Variants in KCNG3 observed in about 807,000 individuals in gnomAD.
KCNG3 encodes the protein voltage-gated potassium channel regulatory subunit KCNG3.
In KCNG3, 15 loss-of-function variants were observed where a neutral mutation model predicts 29.0. The observed-to-expected ratio is 0.52, with a 90% confidence interval of 0.35 to 0.80. KCNG3 has a LOEUF of 0.80. Ranked by LOEUF, KCNG3 falls within the 30% of genes least tolerant of loss-of-function variation. KCNG3 has a pLI of 0.01. For missense variants in KCNG3, 512 were observed against 605.7 expected, an observed-to-expected ratio of 0.85 and a Z score of 1.62; for synonymous variants, 322 against 248.9, an observed-to-expected ratio of 1.29 and a Z score of -2.76.
At chr2:42,456,078 T>C (rs1254300429) in intron 1 of KCNG3, among the ~76,000 whole-genome samples, 1 of 151,800 alleles carries the variant, frequency 6.6e-6, no homozygotes, top group African/African-American at 2.4e-5. Flanking sequence ...TACTTACTAA[T>C]CATATTTACA....
chr2:42,493,763 C>CCGGCTGGGAACG lies in KCNG3; in HGVS notation c.-274_-263dup, dbSNP rs1304631459. On this transcript the variant is annotated 5_prime_UTR_variant, in exon 1 of 2. Coordinates refer to ENST00000306078, the MANE Select transcript of KCNG3 (RefSeq NM_133329.6). ...TCGCCGGCGCCAGCGCTGAGCCCCA[C>CCGGCTGGGAACG]CGGCTGGGAACGCGGCTGTGTCCGC... is the stretch of plus-strand genomic sequence containing the variant. The CCGGCTGGGAACG allele has an allele frequency of 6.5e-6, 2 of 309,782 alleles. No individual in the cohort carries two copies. Among genetic ancestry groups the CCGGCTGGGAACG allele is most frequent in the African/African-American group, 2.2e-5 (1 of 45,888 alleles). 19.2% of individuals were successfully genotyped at this position (309,782 alleles called of 1,614,324 possible).
chr2:42,417,512 G>C, the KCNG3 span, among the ~76,000 whole-genome samples: 1 of 151,934 alleles, frequency 6.6e-6, no homozygotes, highest in Non-Finnish European at 1.5e-5. Context: ...CTAGAGACAG[G>C]GGTTTCACTA....
intron 1 of KCNG3, among the ~76,000 whole-genome samples, chr2:42,473,877 CGCG>C (rs1272421871): frequency 1.3e-5 from 2 of 152,038 alleles, no homozygotes; most frequent in Admixed American, 6.6e-5. Flanking sequence ...TTAGGCCAGG[CGCG>C]GTGGCTCACG....
the KCNG3 span, among the ~76,000 whole-genome samples, chr2:42,434,666 C>CAAAAAAAAAAAAAAA: frequency 1.5e-5 from 1 of 64,694 alleles, no homozygotes; most frequent in Non-Finnish European, 2.7e-5. Flanking sequence ...AACTCCATCT[C>CAAAAAAAAAAAAAAA]AAAAAAAAAA....
At chr2:42,472,576 T>C (rs1015590291) in intron 1 of KCNG3, among the ~76,000 whole-genome samples, 25 of 151,546 alleles carry the variant, frequency 1.6e-4, no homozygotes, top group African/African-American at 2.9e-4. Flanking sequence ...CTCGGCTCAC[T>C]GCAACCTCTC....
At chr2:42,392,500 G>A in the KCNG3 span, among the ~76,000 whole-genome samples, 1 of 152,190 alleles carries the variant, frequency 6.6e-6, no homozygotes, top group East Asian at 1.9e-4. Context: ...AGCTGTTACT[G>A]AAACACCAGG....
the KCNG3 span, among the ~76,000 whole-genome samples, chr2:42,396,543 A>G: frequency 6.6e-6 from 1 of 152,326 alleles, no homozygotes; most frequent in South Asian, 2.1e-4. Flanking sequence ...AAAGTAGGCA[A>G]GAAGAGGTCA....
the KCNG3 span, among the ~76,000 whole-genome samples, chr2:42,400,714 C>A: frequency 4.2e-3 from 632 of 151,930 alleles, 4 homozygotes; most frequent in Non-Finnish European, 7.1e-3. Flanking sequence ...TAAGAATGAA[C>A]AGAAAAGTCT....
At chr2:42,421,043 A>G in the KCNG3 span, among the ~76,000 whole-genome samples, 8 of 152,210 alleles carry the variant, frequency 5.3e-5, no homozygotes, top group African/African-American at 1.7e-4. Context: ...CCACACAAAA[A>G]TGACTCAATG....
the KCNG3 span, among the ~76,000 whole-genome samples, chr2:42,417,928 C>T: frequency 7.3e-5 from 11 of 151,608 alleles, no homozygotes; most frequent in Admixed American, 1.3e-4. Context: ...GCTGAGATCG[C>T]GCCACTGCAC....
chr2:42,418,105 C>CGG, the KCNG3 span, among the ~76,000 whole-genome samples: 1 of 152,026 alleles, frequency 6.6e-6, no homozygotes, highest in African/African-American at 2.4e-5. Flanking sequence ...TGTTGTTTAA[C>CGG]CATCACCACT....
rs141470417 is a variant in KCNG3, at chr2:42,477,380, CATAT to C, written c.665+15453_665+15456del. Among the ~76,000 whole-genome samples, 533 of 113,112 alleles carry C rather than the reference CATAT, an allele frequency of 4.7e-3. 15 individuals are homozygous for C. Among genetic ancestry groups the C allele is most frequent in the Middle Eastern group, 0.021 (4 of 192 alleles). 74.2% of individuals were successfully genotyped at this position (113,112 alleles called of 152,430 possible). On this transcript the variant is annotated intron_variant, in intron 1 of 1. Transcript: ENST00000306078. ...GTGTATATACATATATATACACACA[CATAT>C]ATATACACACACACACACACACACA... is the stretch of plus-strand genomic sequence containing the variant.
At chr2:42,404,600 A>C in the KCNG3 span, among the ~76,000 whole-genome samples, 9 of 152,042 alleles carry the variant, frequency 5.9e-5, no homozygotes, top group Non-Finnish European at 1.5e-5. Context: ...GTCGTGGCAC[A>C]CACCTTAGTC....
Position 42,444,427 on chromosome 2 carries a change from A to C in KCNG3, c.818T>G (p.Val273Gly), listed in dbSNP as rs1672551300. 1 of 1,614,166 alleles carries C rather than the reference A, an allele frequency of 6.2e-7. No individual in the cohort carries two copies. The highest frequency in any genetic ancestry group is 8.5e-7 in the Non-Finnish European group (1 of 1,180,040). ...TPYYISVLMT[V>G]FTGENSQLQR... ...GAGTTGAGAGTTCTCGCCTGTAAACACTGTCATCAACACAGAGATGTAATA... is the reference window on the plus strand; with the variant it reads ...GAGTTGAGAGTTCTCGCCTGTAAACCCTGTCATCAACACAGAGATGTAATA... The change falls in exon 2 of 2, where the codon GTG (valine) becomes GGG (glycine). Residue 273 changes from valine to glycine, a missense_variant. Coordinates refer to ENST00000306078, the MANE Select transcript of KCNG3 (RefSeq NM_133329.6). The surrounding 1 kb of genome is among the most constrained non-coding windows in gnomAD (Gnocchi z 5.8).
the KCNG3 span, among the ~76,000 whole-genome samples, chr2:42,402,044 T>C: frequency 6.6e-6 from 1 of 152,216 alleles, no homozygotes; most frequent in East Asian, 1.9e-4. Flanking sequence ...GGTATTCGTA[T>C]CTGAATCAGC....
chr2:42,405,078 A>T, the KCNG3 span, among the ~76,000 whole-genome samples: 2 of 152,264 alleles, frequency 1.3e-5, no homozygotes, highest in African/African-American at 4.8e-5. Context: ...ATTCTCATCT[A>T]GAAACCTAAT....
chr2:42,490,775 A>G (rs1287940231), intron 1 of KCNG3, among the ~76,000 whole-genome samples: 1 of 152,248 alleles, frequency 6.6e-6, no homozygotes, highest in East Asian at 1.9e-4. Flanking sequence ...TATTTGGCAG[A>G]TGCAAAATAT....
intron 1 of KCNG3, among the ~76,000 whole-genome samples, chr2:42,446,822 A>G (rs1354800762): frequency 6.6e-6 from 1 of 152,102 alleles, no homozygotes; most frequent in African/African-American, 2.4e-5. Context: ...CTTAAATCAC[A>G]TGATTTTAAA....
In KCNG3 at chr2:42,444,156, G is replaced by C. The variant is rs758524958; in HGVS notation, c.1089C>G (p.Ala363=). The C allele has an allele frequency of 1.2e-6, 2 of 1,614,148 alleles. No homozygotes were observed. Among genetic ancestry groups the C allele is most frequent in the South Asian group, 2.2e-5 (2 of 91,062 alleles). Residue 363 remains alanine, a synonymous_variant, in exon 2 of 2, where the codon GCC becomes GCG. Transcript: ENST00000306078. This position sits in a 1 kb window ranked among gnomAD's most constrained non-coding sequence, Gnocchi z 5.8. The stretch of plus-strand genomic sequence containing the variant: ...TCATAGAGATAATCACCCACCAGCA[G>C]GCAGCAGGAATGCTGGTAAAGTCCT... ...SNKDFTSIPA[A]CWWVIISMTT...
Sources: allele counts gnomAD v4.1 joint callset (sites outside exome capture counted in the v4.1 genomes callset), GRCh38; gene constraint gnomAD v4.1.1; non-coding constraint Gnocchi (gnomAD v3.1); transcripts MANE v1.5; gene names NCBI Gene and HGNC (gene_info 2026-07-23, HGNC 2026-07-21).